The following ABCD3 variants were observed in gnomAD, a reference collection of about 807,000 sequenced individuals.
The protein encoded by ABCD3 is ATP-binding cassette sub-family D member 3.
Under a neutral mutation model 105.5 loss-of-function variants are expected in ABCD3, and 41 were observed. The observed-to-expected ratio is 0.39, with a 90% CI of 0.30 to 0.50. The LOEUF (loss-of-function observed/expected upper bound fraction) is 0.50. ABCD3 is among the 20% of genes least tolerant of loss of function. ABCD3 has a pLI of 0.84. For synonymous variants in ABCD3, 258 were observed against 269.0 expected, an observed-to-expected ratio of 0.96 and a Z score of 0.40; for missense variants, 622 against 806.3, an observed-to-expected ratio of 0.77 and a Z score of 2.77.
chr1:94,503,201 G>A (rs191183050), intron 20 of ABCD3, among the ~76,000 whole-genome samples: 104 of 152,294 alleles, frequency 6.8e-4, no homozygotes, highest in African/African-American at 2.3e-3. Flanking sequence ...GTGGCATTAA[G>A]TAGCTGACAG....
the ABCD3 span, among the ~76,000 whole-genome samples, chr1:94,412,028 A>G: frequency 6.6e-6 from 1 of 152,180 alleles, no homozygotes; most frequent in African/African-American, 2.4e-5. Flanking sequence ...TAATGGGTAC[A>G]GGGTTTTCTT....
Position 94,489,935 on chromosome 1 carries a change from C to T in ABCD3, c.1282C>T (p.Pro428Ser). Reference protein sequence around the residue: ...IEGVQVIPLIPGAGEIIIADN... With the variant: ...IEGVQVIPLISGAGEIIIADN... ...AGGAGTACAAGTCATTCCCTTGATA[C>T]CTGGTGCTGGAGAAATCATTATTGC... The change falls in exon 15 of 23, where the codon CCT becomes TCT. Residue 428 changes from proline to serine, a missense_variant. By Grantham distance (74) the Pro-to-Ser change is moderately conservative (BLOSUM62 -1). Coordinates refer to ENST00000370214, the MANE Select transcript of ABCD3 (RefSeq NM_002858.4). The T allele has an allele frequency of 3.7e-6, 6 of 1,613,118 alleles. No individual in the cohort carries two copies. Among genetic ancestry groups the T allele is most frequent in the Non-Finnish European group, 5.1e-6 (6 of 1,179,336 alleles).
At chr1:94,498,901 T>G in intron 18 of ABCD3, 44 bp from the exon 19 acceptor site, 1 of 1,611,104 alleles carries the variant, frequency 6.2e-7, no homozygotes, top group Non-Finnish European at 8.5e-7. Flanking sequence ...GTTTATTTAT[T>G]TTTTCATGTT....
At chr1:94,413,648 G>C (rs371243981), upstream of ABCD3, among the ~76,000 whole-genome samples, 6 of 152,264 alleles carry the variant, frequency 3.9e-5, no homozygotes, top group African/African-American at 1.4e-4. Context: ...TCCTTTCCTT[G>C]GTGCAGTTGG....
At chr1:94,496,042 CTA>C (rs1485051884) in intron 16 of ABCD3, among the ~76,000 whole-genome samples, 4 of 152,296 alleles carry the variant, frequency 2.6e-5, no homozygotes, top group South Asian at 2.1e-4. Flanking sequence ...TTTAGATCAA[CTA>C]TGTGTTAGGC....
intron 2 of ABCD3, among the ~76,000 whole-genome samples, chr1:94,460,049 A>G (rs1442024046): frequency 6.6e-6 from 1 of 152,162 alleles, no homozygotes; most frequent in Admixed American, 6.5e-5. Flanking sequence ...GCTATTATGA[A>G]TAATAACAAT....
chr1:94,404,669 C>A, the ABCD3 span, among the ~76,000 whole-genome samples: 2 of 151,588 alleles, frequency 1.3e-5, no homozygotes, highest in Admixed American at 1.3e-4. Context: ...TTGTAGGTCA[C>A]AAATTTCATT....
the ABCD3 span, among the ~76,000 whole-genome samples, chr1:94,411,527 T>C: frequency 6.6e-6 from 1 of 152,222 alleles, no homozygotes. Context: ...CCTTTTTCAT[T>C]GCTGGTGGAA....
intron 8 of ABCD3, 71 bp from the exon 9 acceptor site, chr1:94,480,393 A>C (rs1268482799): frequency 1.3e-6 from 2 of 1,576,538 alleles, no homozygotes; most frequent in Admixed American, 3.4e-5. Context: ...AAAATTGTAC[A>C]TGTTTGTATC....
At position 94,452,732 on chromosome 1, in the gene ABCD3, G is replaced by T. The variant is rs200255610; in HGVS notation, c.111-5875G>T. Among the ~76,000 whole-genome samples the T allele has an allele frequency of 6.3e-3, 950 of 150,294 alleles. 9 individuals carry two copies. Among genetic ancestry groups the T allele is most frequent in the African/African-American group, 0.02 (803 of 40,704 alleles). ...TCAATGGTTTTTTTTGTTTTTTTTT[G>T]TTTGTTTGTTTGTTTGTTTTTGGAG... is the stretch of plus-strand genomic sequence containing the variant. On this transcript the variant is annotated intron_variant, in intron 1 of 22. Transcript: ENST00000370214.
At chr1:94,497,087 A>G (rs1649859884) in intron 16 of ABCD3, among the ~76,000 whole-genome samples, 1 of 152,030 alleles carries the variant, frequency 6.6e-6, no homozygotes, top group African/African-American at 2.4e-5. Context: ...GTCATATTCA[A>G]TAAAGTCTGC....
At chr1:94,463,252 A>G (rs749197914) in intron 2 of ABCD3, among the ~76,000 whole-genome samples, 18 of 152,228 alleles carry the variant, frequency 1.2e-4, no homozygotes, top group Non-Finnish European at 2.5e-4. Context: ...AGTTCCTCCT[A>G]TTGTAGTCTT....
intron 2 of ABCD3, among the ~76,000 whole-genome samples, chr1:94,460,946 C>T (rs970412614): frequency 1.3e-5 from 2 of 152,068 alleles, no homozygotes; most frequent in African/African-American, 4.8e-5. Context: ...AGTTCTAGGA[C>T]AGCTAGATTC....
chr1:94,517,475 C>CT lies in ABCD3; in HGVS notation c.*347dup. 3.7e-6 allele frequency: 1 copy of CT among 273,850 alleles called. No individual in the cohort carries two copies. The highest frequency in any genetic ancestry group is 7.1e-6 in the Non-Finnish European group (1 of 141,516). 17.0% of individuals were successfully genotyped at this position (273,850 alleles called of 1,614,324 possible). On this transcript the variant is annotated 3_prime_UTR_variant, in exon 23 of 23. Transcript: ENST00000370214. Reference sequence around the variant, plus strand: ...GTCAGCTAATTGGACTTTTATGGCTCTATCTTTTCCTTCAGTGAAGAACCC... The same window carrying CT: ...GTCAGCTAATTGGACTTTTATGGCTCTTATCTTTTCCTTCAGTGAAGAACCC...
intron 1 of ABCD3, chr1:94,455,894 A>T: frequency 8.4e-7 from 1 of 1,183,896 alleles, no homozygotes. Context: ...AATTTATAAC[A>T]TTTATTAGTG....
rs753126650 is a variant in ABCD3 at position 94,498,770 on chromosome 1, C to G, written c.1465-13C>G. 5 of 1,613,610 alleles carry G rather than the reference C, an allele frequency of 3.1e-6. No homozygotes were observed. In the African/African-American group the frequency reaches 6.7e-5, roughly 22 times the overall value. ...TTTTACAATTGTTCTTCTCCCTTCT[C>G]TCTCTTTAATAGTTATGGCCTCTTT... On this transcript the variant is annotated splice_polypyrimidine_tract_variant and intron_variant, in intron 17 of 22. Transcript: ENST00000370214.
In ABCD3 at chr1:94,475,512, G is replaced by A. The variant is rs142414005; in HGVS notation, c.504-102G>A. The A allele has an allele frequency of 1.6e-3, 1,996 of 1,270,192 alleles. 26 individuals are homozygous for A. The African/African-American group carries it at 0.026, about 17-fold the overall frequency. 78.7% of individuals were successfully genotyped at this position (1,270,192 alleles called of 1,614,324 possible). A position where few individuals can be genotyped will look rare whatever the true frequency, so the allele number is the denominator to read the frequency against. ...ATCTCTTCTGGCTCCAAACTTTTTTGTTTCTATGTATTTGAGCTAGGTGGT... is the reference window on the plus strand; with the variant it reads ...ATCTCTTCTGGCTCCAAACTTTTTTATTTCTATGTATTTGAGCTAGGTGGT... On this transcript the variant is annotated intron_variant, in intron 6 of 22. Transcript: ENST00000370214.
At chr1:94,453,896 TTTTG>T (rs1200274995) in intron 1 of ABCD3, among the ~76,000 whole-genome samples, 1 of 151,940 alleles carries the variant, frequency 6.6e-6, no homozygotes, top group African/African-American at 2.4e-5. Flanking sequence ...TTCTGCTTTT[TTTTG>T]TTCTTTGTAA....
intron 1 of ABCD3, among the ~76,000 whole-genome samples, chr1:94,449,738 G>A (rs758207592): frequency 6.8e-6 from 1 of 146,494 alleles, no homozygotes; most frequent in Non-Finnish European, 1.6e-5. Flanking sequence ...GGGATGTTTA[G>A]CTTGAATTGC....
Sources: gnomAD v4.1 joint callset for allele counts (sites outside exome capture counted in the v4.1 genomes callset) on GRCh38, gnomAD v4.1.1 for gene constraint, MANE v1.5 for transcripts, NCBI Gene and HGNC (gene_info 2026-07-23, HGNC 2026-07-21) for gene names.